The following DYRK1A variants were observed in gnomAD, a reference collection of about 807,000 sequenced individuals.
DYRK1A encodes dual specificity tyrosine phosphorylation regulated kinase 1A.
A neutral mutation model predicts 79.7 loss-of-function variants in DYRK1A; 9 were observed. The observed-to-expected ratio is 0.11, with a 90% CI of 0.07 to 0.20. The LOEUF is 0.20. DYRK1A is among the 10% of genes least tolerant of loss of function. The probability of loss-of-function intolerance (pLI) is 1.00; values close to 1 mark genes in which losing one functional copy is unlikely to be tolerated. For missense variants in DYRK1A, 622 were observed against 956.0 expected, an observed-to-expected ratio of 0.65 and a Z score of 4.61; for synonymous variants, 349 against 329.7, an observed-to-expected ratio of 1.06 and a Z score of -0.63.
intron 1 of DYRK1A, among the ~76,000 whole-genome samples, chr21:37,391,262 C>T (rs1013847315): frequency 6.6e-6 from 1 of 152,098 alleles, no homozygotes; most frequent in Admixed American, 6.5e-5. Context: ...ATGTCCTGAG[C>T]CTCCTGTTCG....
At chr21:37,511,448 A>G (rs1359927292) in intron 11 of DYRK1A, among the ~76,000 whole-genome samples, 4 of 152,232 alleles carry the variant, frequency 2.6e-5, no homozygotes, top group Non-Finnish European at 5.9e-5. Flanking sequence ...TTTCACAGGT[A>G]GACTCATAAG....
chr21:37,369,226 AG>A (rs954479077), intron 1 of DYRK1A, among the ~76,000 whole-genome samples: 7 of 152,198 alleles, frequency 4.6e-5, no homozygotes, highest in African/African-American at 1.4e-4. Context: ...TTAATAACTC[AG>A]GGGAATTACC....
intron 1 of DYRK1A, among the ~76,000 whole-genome samples, chr21:37,382,971 TC>T (rs1269860848): frequency 3.9e-5 from 6 of 152,218 alleles, no homozygotes; most frequent in African/African-American, 1.4e-4. Flanking sequence ...AACAAGATAA[TC>T]TAACACCTTT....
chr21:37,514,595 G>A lies in DYRK1A; in HGVS notation c.*2064G>A, dbSNP rs942023927. ...AAGAAAGGCTAAACACTATGTAAAT[G>A]TGAATGGAAACTTGGAAATACTCGT... On this transcript the variant is annotated 3_prime_UTR_variant, in exon 12 of 12. Coordinates refer to ENST00000647188, the MANE Select transcript of DYRK1A (RefSeq NM_001347721.2). 1.3e-5 allele frequency: 2 copies of A among 152,576 alleles called. No individual in the cohort carries two copies. Among genetic ancestry groups the A allele is most frequent in the Non-Finnish European group, 2.9e-5 (2 of 68,026 alleles). The allele number at this position is 152,576 out of a possible 1,614,324, so 9.5% of individuals were successfully genotyped here.
intron 2 of DYRK1A, among the ~76,000 whole-genome samples, chr21:37,438,856 T>C (rs970009758): frequency 2.6e-5 from 4 of 152,232 alleles, no homozygotes; most frequent in African/African-American, 9.6e-5. Context: ...ATTTCTTCAA[T>C]AAAGTTTGCT....
rs1283902212 is a variant in DYRK1A, at chr21:37,518,954, A to T, written c.*6423A>T. The T allele has an allele frequency of 2.0e-5, 3 of 152,206 alleles. No individual in the cohort carries two copies. Among genetic ancestry groups the T allele is most frequent in the African/African-American group, 7.2e-5 (3 of 41,446 alleles). 9.4% of individuals were successfully genotyped at this position (152,206 alleles called of 1,614,324 possible). On this transcript the variant is annotated 3_prime_UTR_variant, in exon 12 of 12. Transcript: ENST00000647188. The stretch of plus-strand genomic sequence containing the variant: ...ATGGAGTTTGATTACCAAAGTTTAC[A>T]TAGAGTAATGGATAATTAAAATTTT...
At chr21:37,455,759 T>G (rs1369214828) in intron 2 of DYRK1A, among the ~76,000 whole-genome samples, 2 of 152,218 alleles carry the variant, frequency 1.3e-5, no homozygotes, top group East Asian at 3.8e-4. Flanking sequence ...ATTCGTTCTA[T>G]CATTTAGCAT....
At chr21:37,483,138 G>A (rs2052717738) in intron 5 of DYRK1A, among the ~76,000 whole-genome samples, 1 of 152,130 alleles carries the variant, frequency 6.6e-6, no homozygotes, top group Non-Finnish European at 1.5e-5. Flanking sequence ...GTATTGATTG[G>A]GGAAGTGATA....
chr21:37,375,951 C>T (rs1047559011), intron 1 of DYRK1A, among the ~76,000 whole-genome samples: 5 of 152,004 alleles, frequency 3.3e-5, no homozygotes, highest in Admixed American at 3.3e-4. Context: ...TTTGGCCCGC[C>T]AAGCCCCCCT....
At chr21:37,483,163 C>T (rs923237555) in intron 5 of DYRK1A, among the ~76,000 whole-genome samples, 6 of 152,186 alleles carry the variant, frequency 3.9e-5, no homozygotes, top group African/African-American at 1.4e-4. Context: ...TCCATGAAAT[C>T]TTCACAATTT....
chr21:37,443,821 A>T (rs570535390), intron 2 of DYRK1A, among the ~76,000 whole-genome samples: 3 of 152,068 alleles, frequency 2.0e-5, no homozygotes, highest in African/African-American at 7.2e-5. Flanking sequence ...CTCTGTCTAA[A>T]TTTCTCCATT....
chr21:37,452,440 C>T (rs1286737452), intron 2 of DYRK1A, among the ~76,000 whole-genome samples: 5 of 152,034 alleles, frequency 3.3e-5, no homozygotes, highest in East Asian at 1.9e-4. Flanking sequence ...GTGGAGATGC[C>T]GTTTATAGAA....
At chr21:37,470,076 G>A (rs575942536) in intron 2 of DYRK1A, among the ~76,000 whole-genome samples, 2 of 152,226 alleles carry the variant, frequency 1.3e-5, no homozygotes, top group East Asian at 1.9e-4. Flanking sequence ...CCTGGGAGGC[G>A]GAGCTTGCAG....
At chr21:37,385,567 G>C (rs889869109) in intron 1 of DYRK1A, among the ~76,000 whole-genome samples, 1 of 152,134 alleles carries the variant, frequency 6.6e-6, no homozygotes, top group Non-Finnish European at 1.5e-5. Context: ...CATTACCTTT[G>C]TTGTATTCTC....
At position 37,472,875 on chromosome 21, in the gene DYRK1A, A is replaced by G; in HGVS notation, c.202A>G (p.Asn68Asp). The G allele has an allele frequency of 6.4e-7, 1 of 1,567,366 alleles. No homozygotes were observed. ...TGACCAGATTCAGCAACCTCTAACT[A>G]ACCAGGTAAGTTCATGGAGTATCAG... ...YSDQIQQPLT[N>D]QRRMPQTFRD... Residue 68 changes from asparagine to aspartate, a missense_variant, in exon 3 of 12, where the codon AAC becomes GAC. Around this residue, in one of 5 missense-constraint regions of DYRK1A, gnomAD observed 91 missense variants for 113.8 expected, o/e 0.80. Transcript: ENST00000647188.
At chr21:37,424,524 T>A (rs2050565094) in intron 2 of DYRK1A, among the ~76,000 whole-genome samples, 1 of 152,162 alleles carries the variant, frequency 6.6e-6, no homozygotes, top group Non-Finnish European at 1.5e-5. Flanking sequence ...TTGGGTAAGA[T>A]CCATTTTATA....
At chr21:37,479,359 GTTA>G (rs1037932986) in intron 4 of DYRK1A, among the ~76,000 whole-genome samples, 1 of 151,914 alleles carries the variant, frequency 6.6e-6, no homozygotes, top group Non-Finnish European at 1.5e-5. Context: ...ATTTCAATTT[GTTA>G]TTATCTGATA....
chr21:37,403,177 G>A (rs1370838879), intron 1 of DYRK1A, among the ~76,000 whole-genome samples: 1 of 151,476 alleles, frequency 6.6e-6, no homozygotes, highest in Non-Finnish European at 1.5e-5. Flanking sequence ...TGGTTATTAT[G>A]TTATTCATTT....
At chr21:37,471,365 A>T (rs1255587600) in intron 2 of DYRK1A, among the ~76,000 whole-genome samples, 1 of 152,134 alleles carries the variant, frequency 6.6e-6, no homozygotes, top group Non-Finnish European at 1.5e-5. Flanking sequence ...GTAGAGGTGG[A>T]ACTTATGTTT....
Sources: allele counts gnomAD v4.1 joint callset (sites outside exome capture counted in the v4.1 genomes callset), GRCh38; gene constraint gnomAD v4.1.1; regional missense constraint gnomAD v4.1.1; transcripts MANE v1.5; gene names NCBI Gene and HGNC (gene_info 2026-07-23, HGNC 2026-07-21).